ELMO1: variants seen among roughly 807,000 people sequenced by gnomAD.
ELMO1 encodes engulfment and cell motility 1.
ELMO1 carries 26 observed loss-of-function variants against 98.9 expected under a neutral mutation model. The observed-to-expected ratio is 0.26, with a 90% CI of 0.19 to 0.36. The LOEUF (loss-of-function observed/expected upper bound fraction) is 0.36. Among genes scored for constraint, ELMO1 ranks in the 10% least tolerant of loss-of-function variants. The pLI, the probability that ELMO1 is intolerant of heterozygous loss-of-function variation, is 1.00. For missense variants in ELMO1, 627 were observed against 935.2 expected, an observed-to-expected ratio of 0.67 and a Z score of 4.30; for synonymous variants, 346 against 346.0, an observed-to-expected ratio of 1.00 and a Z score of 0.00.
intron 16 of ELMO1, among the ~76,000 whole-genome samples, chr7:36,933,337 T>C (rs1786215265): frequency 6.6e-6 from 1 of 152,192 alleles, no homozygotes; most frequent in African/African-American, 2.4e-5. Context: ...CAGGAAGAAC[T>C]AGTCGCTTTA....
chr7:36,859,841 T>C (rs1359693529), intron 21 of ELMO1, among the ~76,000 whole-genome samples: 3 of 152,080 alleles, frequency 2.0e-5, no homozygotes. Context: ...TACATGGATT[T>C]TTTTCTTCAA....
intron 13 of ELMO1, among the ~76,000 whole-genome samples, chr7:37,177,407 T>C (rs781368162): frequency 7.2e-5 from 11 of 152,240 alleles, no homozygotes; most frequent in Non-Finnish European, 1.2e-4. Context: ...TCAGAGCTAA[T>C]TAAATTTCTT....
At chr7:37,078,434 A>G (rs1291196822) in intron 15 of ELMO1, among the ~76,000 whole-genome samples, 1 of 152,158 alleles carries the variant, frequency 6.6e-6, no homozygotes, top group Non-Finnish European at 1.5e-5. Context: ...TTAATGATCC[A>G]TCTATCTTAA....
intron 14 of ELMO1, among the ~76,000 whole-genome samples, chr7:37,113,677 C>T (rs73335572): frequency 0.18 from 27,404 of 152,146 alleles, 3,742 homozygotes; most frequent in African/African-American, 0.39. Context: ...GTTGAAGCTC[C>T]AACCCGCTGT....
At chr7:37,233,303 G>C (rs1794283467) in intron 7 of ELMO1, 109 bp from the exon 8 acceptor site, 1 of 869,320 alleles carries the variant, frequency 1.2e-6, no homozygotes, top group Non-Finnish European at 1.7e-6. Context: ...AAAAGATCAA[G>C]AGACAAATAG....
intron 4 of ELMO1, among the ~76,000 whole-genome samples, chr7:37,297,923 T>C (rs991164544): frequency 4.6e-5 from 7 of 152,250 alleles, no homozygotes; most frequent in African/African-American, 1.4e-4. Context: ...AACACAAATA[T>C]ACTTCTAGAC....
chr7:36,898,081 A>C (rs981313536), intron 16 of ELMO1, among the ~76,000 whole-genome samples: 1 of 152,230 alleles, frequency 6.6e-6, no homozygotes, highest in Non-Finnish European at 1.5e-5. Flanking sequence ...GGTATCATTA[A>C]ATTTTTTAAG....
At chr7:37,179,961 T>C (rs992323972) in intron 13 of ELMO1, among the ~76,000 whole-genome samples, 17 of 152,178 alleles carry the variant, frequency 1.1e-4, no homozygotes, top group African/African-American at 4.1e-4. Flanking sequence ...GACTTAATTA[T>C]CTTAAGAATT....
chr7:37,028,116 T>G (rs1794681609), intron 15 of ELMO1, among the ~76,000 whole-genome samples: 1 of 151,964 alleles, frequency 6.6e-6, no homozygotes, highest in Non-Finnish European at 1.5e-5. Flanking sequence ...ATCATCCCCA[T>G]TGTACAGATG....
intron 16 of ELMO1, among the ~76,000 whole-genome samples, chr7:37,005,050 G>A (rs1405916081): frequency 1.4e-5 from 2 of 145,266 alleles, no homozygotes; most frequent in African/African-American, 5.2e-5. Flanking sequence ...TGGAGGTTGC[G>A]GTGAGCCGAG....
intron 8 of ELMO1, among the ~76,000 whole-genome samples, chr7:37,230,270 C>T (rs1470937995): frequency 6.6e-6 from 1 of 152,014 alleles, no homozygotes; most frequent in Non-Finnish European, 1.5e-5. Flanking sequence ...AAAAATTCAC[C>T]GAAATGTGAC....
chr7:37,041,760 G>A (rs1241383359), intron 15 of ELMO1, among the ~76,000 whole-genome samples: 1 of 152,112 alleles, frequency 6.6e-6, no homozygotes, highest in Non-Finnish European at 1.5e-5. Context: ...ATGAGTTAAC[G>A]TGGCAGAAAA....
At chr7:37,115,707 T>C (rs937859728) in intron 14 of ELMO1, among the ~76,000 whole-genome samples, 4 of 150,408 alleles carry the variant, frequency 2.7e-5, no homozygotes, top group African/African-American at 9.8e-5. Flanking sequence ...GTCGCTCCTA[T>C]CACCCCTATG....
chr7:37,237,218 T>G (rs1794515848), intron 7 of ELMO1, among the ~76,000 whole-genome samples: 1 of 152,244 alleles, frequency 6.6e-6, no homozygotes, highest in African/African-American at 2.4e-5. Flanking sequence ...AAATTTATGC[T>G]ACTAATTTTA....
chr7:37,331,596 GCTCT>G (rs1295812904), intron 2 of ELMO1, among the ~76,000 whole-genome samples: 1 of 151,318 alleles, frequency 6.6e-6, no homozygotes, highest in Non-Finnish European at 1.5e-5. Context: ...TAGATATTAT[GCTCT>G]CTCTTTTGAA....
At chr7:37,099,350 C>T (rs1337002582) in intron 14 of ELMO1, among the ~76,000 whole-genome samples, 1 of 152,186 alleles carries the variant, frequency 6.6e-6, no homozygotes, top group Non-Finnish European at 1.5e-5. Flanking sequence ...AGAGATAATT[C>T]TTAAGCTGGA....
At chr7:37,235,906 T>C (rs1480926843) in intron 7 of ELMO1, among the ~76,000 whole-genome samples, 1 of 152,062 alleles carries the variant, frequency 6.6e-6, no homozygotes, top group Non-Finnish European at 1.5e-5. Flanking sequence ...GGCGACAGAG[T>C]GACTCTGTCT....
Position 37,123,426 on chromosome 7 carries a change from T to C in ELMO1, c.1191+9704A>G, listed in dbSNP as rs569327423. Among the ~76,000 whole-genome samples the C allele has an allele frequency of 2.1e-3, 312 of 152,144 alleles. 1 individual carries two copies. The highest frequency in any genetic ancestry group is 7.4e-3 in the African/African-American group (307 of 41,488). ...AAGAAGAAAAGAGAGAAGAATCAAA[T>C]AGACGCAATAAAAAATGATAAAGGG... On this transcript the variant is annotated intron_variant, in intron 14 of 21. Coordinates refer to ENST00000310758, the MANE Select transcript of ELMO1 (RefSeq NM_014800.11).
intron 15 of ELMO1, among the ~76,000 whole-genome samples, chr7:37,056,832 C>T (rs1796414263): frequency 6.6e-6 from 1 of 152,148 alleles, no homozygotes; most frequent in Admixed American, 6.5e-5. Context: ...TCCTGAGTTC[C>T]AGCTCTGATT....
Sources: allele counts gnomAD v4.1 joint callset (sites outside exome capture counted in the v4.1 genomes callset), GRCh38; gene constraint gnomAD v4.1.1; transcripts MANE v1.5; gene names NCBI Gene and HGNC (gene_info 2026-07-23, HGNC 2026-07-21).